NSG1: variants seen among roughly 807,000 people sequenced by gnomAD.
The protein encoded by NSG1 is neuronal vesicle trafficking associated 1, also known as neuronal vesicle trafficking-associated protein 1.
Under a neutral mutation model 19.3 loss-of-function variants are expected in NSG1, and 9 were observed. That is an observed-to-expected ratio of 0.47 (90% confidence interval 0.28 to 0.81). The LOEUF is 0.81. Ranked by LOEUF, NSG1 falls within the 40% of genes least tolerant of loss-of-function variation. The probability of loss-of-function intolerance (pLI) is 0.11; values close to 1 mark genes in which losing one functional copy is unlikely to be tolerated. For missense variants in NSG1, 236 were observed against 242.4 expected, an observed-to-expected ratio of 0.97 and a Z score of 0.18; for synonymous variants, 104 against 107.0, an observed-to-expected ratio of 0.97 and a Z score of 0.17.
intron 4 of NSG1, among the ~76,000 whole-genome samples, chr4:4,410,416 C>T (rs1034809399): frequency 1.3e-5 from 2 of 152,196 alleles, no homozygotes; most frequent in Non-Finnish European, 2.9e-5. Flanking sequence ...CGTTGTTAGG[C>T]GACTCCATCA....
intron 3 of NSG1, among the ~76,000 whole-genome samples, chr4:4,397,647 G>T (rs1192692978): frequency 6.6e-6 from 1 of 152,204 alleles, no homozygotes; most frequent in Non-Finnish European, 1.5e-5. Context: ...GTAACTCCTG[G>T]CCCAGGTGGG....
At chr4:4,387,198 G>A (rs1722761634) in intron 1 of NSG1, 25 bp downstream of exon 1, 1 of 157,144 alleles carries the variant, frequency 6.4e-6, no homozygotes, top group Non-Finnish European at 1.4e-5. Context: ...CCGCGCCTGG[G>A]CTTGCCGAGG....
In NSG1 at chr4:4,417,517, G is replaced by C. The variant is rs1341801459; in HGVS notation, c.*82G>C. The C allele has an allele frequency of 9.9e-6, 13 of 1,314,874 alleles. No homozygotes were observed. In the Admixed American group the frequency reaches 2.2e-4, roughly 22 times the overall value. 81.5% of individuals were successfully genotyped at this position (1,314,874 alleles called of 1,614,324 possible). A position where few individuals can be genotyped will look rare whatever the true frequency, so the allele number is the denominator to read the frequency against. ...GGACATTTCATTAAATATAATTACT[G>C]ATACTTTAGAGGTTACTCATTTACG... On this transcript the variant is annotated 3_prime_UTR_variant, in exon 5 of 5. Transcript: ENST00000621129.
intron 3 of NSG1, among the ~76,000 whole-genome samples, chr4:4,408,026 TCTC>T (rs1236025229): frequency 6.6e-6 from 1 of 152,012 alleles, no homozygotes; most frequent in Admixed American, 6.5e-5. Flanking sequence ...CTCACGTACA[TCTC>T]CTGCTTCCCC....
intron 4 of NSG1, chr4:4,416,138 T>C (rs551231955): frequency 8.5e-6 from 6 of 702,404 alleles, no homozygotes; most frequent in African/African-American, 1.7e-5. Flanking sequence ...GTGTGACTCA[T>C]TGGCCGCATT....
chr4:4,395,931 T>G (rs1723228151), intron 3 of NSG1, among the ~76,000 whole-genome samples: 1 of 152,134 alleles, frequency 6.6e-6, no homozygotes, highest in Admixed American at 6.5e-5. Context: ...GCTTTCTGAT[T>G]GTCACTTGGG....
Position 4,417,421 on chromosome 4 carries a change from GAGA to G in NSG1, c.547_549del (p.Lys183del). On this transcript the variant is annotated inframe_deletion, in exon 5 of 5. Transcript: ENST00000621129. ...GTCCGAGCAGGAGACTGAAGCGGCT[GAGA>G]AGTCAGCTTAGCGGGATGGGCAAGT... 6.2e-7 allele frequency: 1 copy of G among 1,614,228 alleles called. No homozygotes were observed. Among genetic ancestry groups the G allele is most frequent in the Non-Finnish European group, 8.5e-7 (1 of 1,180,044 alleles).
chr4:4,391,929 G>C (rs1560139157), intron 3 of NSG1, among the ~76,000 whole-genome samples: 1 of 152,206 alleles, frequency 6.6e-6, no homozygotes. Context: ...CAGGAAGGAA[G>C]CAGGCAATAA....
chr4:4,387,833 A>C, intron 2 of NSG1, 75 bp downstream of exon 2: 8 of 1,230,898 alleles, frequency 6.5e-6, no homozygotes, highest in Non-Finnish European at 9.3e-6. Flanking sequence ...AACAAAAGAA[A>C]CGCGCCGCGT....
chr4:4,412,899 G>A (rs1166981046), intron 4 of NSG1, among the ~76,000 whole-genome samples: 3 of 152,176 alleles, frequency 2.0e-5, no homozygotes, highest in Non-Finnish European at 4.4e-5. Context: ...CTTGGGTTTG[G>A]GTTTCATTTA....
intron 4 of NSG1, among the ~76,000 whole-genome samples, chr4:4,410,594 A>G (rs1201836827): frequency 6.6e-6 from 1 of 152,230 alleles, no homozygotes; most frequent in African/African-American, 2.4e-5. Flanking sequence ...GTGTATCTAA[A>G]CATAGAAGAG....
At chr4:4,407,490 C>T (rs921476388) in intron 3 of NSG1, among the ~76,000 whole-genome samples, 2 of 152,082 alleles carry the variant, frequency 1.3e-5, no homozygotes, top group African/African-American at 4.8e-5. Flanking sequence ...TGTCCTGCCC[C>T]GGGCACTGTG....
chr4:4,417,306 T>C lies in NSG1; in HGVS notation c.429T>C (p.Phe143=). ...AAGACTCCAGTGCCCGGGAGAAATTTTACACAGTCATAAACCACTACAACC... is the reference window on the plus strand; with the variant it reads ...AAGACTCCAGTGCCCGGGAGAAATTCTACACAGTCATAAACCACTACAACC... ...AEQDSSAREK[F]YTVINHYNLA... is the part of the protein sequence containing the mutation. The change falls in exon 5 of 5, where the codon TTT becomes TTC. Residue 143 remains phenylalanine, a synonymous_variant. Transcript: ENST00000621129. The C allele has an allele frequency of 1.2e-6, 2 of 1,614,110 alleles. No individual in the cohort carries two copies. The highest frequency in any genetic ancestry group is 2.2e-5 in the South Asian group (2 of 91,080).
intron 3 of NSG1, among the ~76,000 whole-genome samples, chr4:4,409,333 T>TA (rs1397134978): frequency 6.6e-6 from 1 of 152,260 alleles, no homozygotes; most frequent in Non-Finnish European, 1.5e-5. Flanking sequence ...CCTTGGGTAC[T>TA]AAAAATAACT....
chr4:4,393,680 G>C (rs1182948354), intron 3 of NSG1, among the ~76,000 whole-genome samples: 1 of 152,224 alleles, frequency 6.6e-6, no homozygotes, highest in Non-Finnish European at 1.5e-5. Flanking sequence ...CTGCCCTGAA[G>C]GGGTGGCATC....
At chr4:4,390,681 C>CT in intron 2 of NSG1, among the ~76,000 whole-genome samples, 1 of 152,310 alleles carries the variant, frequency 6.6e-6, no homozygotes, top group East Asian at 1.9e-4. Flanking sequence ...TCTTGAACAC[C>CT]TCCCAGTCCA....
intron 4 of NSG1, among the ~76,000 whole-genome samples, chr4:4,412,496 G>A (rs994185230): frequency 6.6e-6 from 1 of 151,860 alleles, no homozygotes; most frequent in Non-Finnish European, 1.5e-5. Context: ...ATGAGGGGGT[G>A]TCCTTTCCGG....
intron 4 of NSG1, among the ~76,000 whole-genome samples, 188 bp downstream of exon 4, chr4:4,409,871 G>A (rs531758503): frequency 6.6e-6 from 1 of 152,200 alleles, no homozygotes; most frequent in African/African-American, 2.4e-5. Flanking sequence ...TAGGCAGGGG[G>A]CACATGAGAC....
rs770636654 is a variant in NSG1 at position 4,391,463 on chromosome 4, T to G, written c.130-12T>G. On this transcript the variant is annotated splice_polypyrimidine_tract_variant and intron_variant, in intron 2 of 4. Coordinates refer to ENST00000621129, the MANE Select transcript of NSG1 (RefSeq NM_014392.5). ...ATGCATCTGACTTTTGTTTCTCTGT[T>G]TCCTGGATAAGGTGGTCGTGAAAAC... The G allele has an allele frequency of 4.4e-6, 7 of 1,591,372 alleles. No homozygotes were observed. The African/African-American group carries it at 9.5e-5, about 21-fold the overall frequency.
Sources: gnomAD v4.1 joint callset for allele counts (sites outside exome capture counted in the v4.1 genomes callset) on GRCh38, gnomAD v4.1.1 for gene constraint, MANE v1.5 for transcripts, NCBI Gene and HGNC (gene_info 2026-07-23, HGNC 2026-07-21) for gene names.